LRMDA: variants seen among roughly 807,000 people sequenced by gnomAD.
The protein encoded by LRMDA is leucine rich melanocyte differentiation associated.
LRMDA carries 18 observed loss-of-function variants against 29.8 expected under a neutral mutation model. The observed-to-expected ratio is 0.60, with a 90% CI of 0.42 to 0.90. The LOEUF (loss-of-function observed/expected upper bound fraction) is 0.90. Among genes scored for constraint, LRMDA ranks in the 40% least tolerant of loss-of-function variants. The pLI is 0.00. For synonymous variants in LRMDA, 125 were observed against 109.4 expected (o/e 1.14, Z -0.89); for missense variants, 273 against 273.9 (o/e 1.00, Z 0.02).
intron 2 of LRMDA, among the ~76,000 whole-genome samples, chr10:75,707,012 C>T (rs1469972631): frequency 6.6e-6 from 1 of 152,234 alleles, no homozygotes; most frequent in Non-Finnish European, 1.5e-5. Flanking sequence ...CTGCATACCC[C>T]TCTTTATGCA....
intron 5 of LRMDA, among the ~76,000 whole-genome samples, chr10:76,284,582 C>T (rs1270052658): frequency 6.6e-6 from 1 of 152,162 alleles, no homozygotes; most frequent in African/African-American, 2.4e-5. Context: ...TTGCAAATTC[C>T]AACCAGCTTG....
intron 2 of LRMDA, among the ~76,000 whole-genome samples, chr10:75,841,774 C>G (rs1306591109): frequency 6.6e-6 from 1 of 152,324 alleles, no homozygotes; most frequent in East Asian, 1.9e-4. Context: ...GCATAGTCAT[C>G]TCTGCTGGTG....
intron 2 of LRMDA, among the ~76,000 whole-genome samples, chr10:75,643,420 C>T (rs1043241248): frequency 6.6e-6 from 1 of 152,300 alleles, no homozygotes. Context: ...CGCAAGTGTT[C>T]CGGGGAATGA....
intron 2 of LRMDA, among the ~76,000 whole-genome samples, chr10:75,837,350 T>C (rs1163614085): frequency 6.6e-6 from 1 of 152,156 alleles, no homozygotes; most frequent in Non-Finnish European, 1.5e-5. Flanking sequence ...AGAAAGAATT[T>C]GAGTGAGCCC....
intron 2 of LRMDA, among the ~76,000 whole-genome samples, chr10:75,804,445 G>A (rs1281356684): frequency 1.3e-5 from 2 of 152,240 alleles, no homozygotes; most frequent in East Asian, 1.9e-4. Context: ...CAAGCGCAGA[G>A]TGACTGGTGA....
At chr10:75,990,825 C>G (rs1847355167) in intron 2 of LRMDA, among the ~76,000 whole-genome samples, 1 of 152,164 alleles carries the variant, frequency 6.6e-6, no homozygotes, top group Non-Finnish European at 1.5e-5. Context: ...AAGATCAGGG[C>G]TGGAGGACTG....
At chr10:76,184,820 G>A (rs774984550) in intron 5 of LRMDA, among the ~76,000 whole-genome samples, 1 of 152,176 alleles carries the variant, frequency 6.6e-6, no homozygotes, top group Admixed American at 6.5e-5. Context: ...CATGATGGAT[G>A]GTGCTTATTT....
chr10:76,215,863 A>G lies in LRMDA; in HGVS notation c.517-108538A>G, dbSNP rs115458354. On this transcript the variant is annotated intron_variant, in intron 5 of 6. Transcript: ENST00000611255. ...AAGCAGAGGTTTATATCACAGCACAATGAATCTCAGAAATAGGGGACTGGA... is the reference window on the plus strand; with the variant it reads ...AAGCAGAGGTTTATATCACAGCACAGTGAATCTCAGAAATAGGGGACTGGA... 6.7e-3 allele frequency among the ~76,000 whole-genome samples: 1,021 copies of G among 152,358 alleles called. 19 individuals are homozygous for G. Among genetic ancestry groups the G allele is most frequent in the African/African-American group, 0.023 (968 of 41,574 alleles).
intron 2 of LRMDA, among the ~76,000 whole-genome samples, chr10:75,899,049 A>C (rs548314731): frequency 6.6e-6 from 1 of 152,312 alleles, no homozygotes; most frequent in African/African-American, 2.4e-5. Context: ...AAGCAGACAA[A>C]ATGTTGTGCC....
At position 76,361,942 on chromosome 10, in the gene LRMDA, A is replaced by G. The variant is rs188113011; in HGVS notation, c.601+37457A>G. Among the ~76,000 whole-genome samples the G allele has an allele frequency of 3.9e-5, 6 of 152,300 alleles. 1 individual carries two copies. In the Middle Eastern group the frequency reaches 0.01, roughly 259 times the overall value. On this transcript the variant is annotated intron_variant, in intron 6 of 6. Transcript: ENST00000611255. The stretch of plus-strand genomic sequence containing the variant: ...TAAATGCAGGGAGAAGAAGTGACAT[A>G]AGAAGTACTTTTATTATCTCTGTTC...
intron 6 of LRMDA, among the ~76,000 whole-genome samples, chr10:76,406,912 T>C (rs137905344): frequency 1.3e-5 from 2 of 152,314 alleles, no homozygotes; most frequent in East Asian, 3.9e-4. Flanking sequence ...AAGGCTGGAA[T>C]AATTGTTCCA....
intron 5 of LRMDA, among the ~76,000 whole-genome samples, chr10:76,134,333 C>T (rs1295896732): frequency 1.3e-5 from 2 of 152,168 alleles, no homozygotes; most frequent in Non-Finnish European, 2.9e-5. Context: ...TTCCCAAGGC[C>T]GGAATGAGAC....
intron 2 of LRMDA, among the ~76,000 whole-genome samples, chr10:75,706,121 C>T (rs1842362969): frequency 6.6e-6 from 1 of 152,134 alleles, no homozygotes; most frequent in Non-Finnish European, 1.5e-5. Flanking sequence ...TGTTGCTTCA[C>T]TGTCTTTATT....
chr10:75,441,356 A>G (rs924842299), intron 2 of LRMDA, among the ~76,000 whole-genome samples: 5 of 152,088 alleles, frequency 3.3e-5, no homozygotes, highest in Non-Finnish European at 5.9e-5. Context: ...GTTGTCTGCT[A>G]TTCTTCCTCT....
intron 2 of LRMDA, among the ~76,000 whole-genome samples, chr10:75,766,451 T>G (rs1843169199): frequency 6.6e-6 from 1 of 152,182 alleles, no homozygotes. Flanking sequence ...GCTTCTCATT[T>G]CCCTCATGGC....
intron 2 of LRMDA, among the ~76,000 whole-genome samples, chr10:75,487,499 A>G (rs1844929126): frequency 6.6e-6 from 1 of 152,218 alleles, no homozygotes; most frequent in South Asian, 2.1e-4. Context: ...GCCAAATGCT[A>G]CATGTGCTGA....
At chr10:75,793,590 C>A (rs1043739018) in intron 2 of LRMDA, among the ~76,000 whole-genome samples, 1 of 152,144 alleles carries the variant, frequency 6.6e-6, no homozygotes, top group African/African-American at 2.4e-5. Context: ...TTTCTGGTCC[C>A]CTTGTGTGAA....
At chr10:75,696,309 G>A (rs6415913) in intron 2 of LRMDA, among the ~76,000 whole-genome samples, 43,991 of 152,054 alleles carry the variant, frequency 0.29, 7,109 homozygotes, top group African/African-American at 0.44. Flanking sequence ...TAAAGATGGC[G>A]GAGCAGTCAA....
At chr10:75,815,891 T>C (rs1055511425) in intron 2 of LRMDA, among the ~76,000 whole-genome samples, 1 of 152,254 alleles carries the variant, frequency 6.6e-6, no homozygotes, top group Non-Finnish European at 1.5e-5. Flanking sequence ...ACTGCTGTTA[T>C]CACCATTTTG....
Sources: gnomAD v4.1 joint callset for allele counts (sites outside exome capture counted in the v4.1 genomes callset) on GRCh38, gnomAD v4.1.1 for gene constraint, MANE v1.5 for transcripts, NCBI Gene and HGNC (gene_info 2026-07-23, HGNC 2026-07-21) for gene names.